HRH1: variants seen among roughly 807,000 people sequenced by gnomAD.
HRH1 encodes histamine receptor H1.
A neutral mutation model predicts 10.3 loss-of-function variants in HRH1; 6 were observed. The observed-to-expected ratio is 0.58, with a 90% CI of 0.32 to 1.15. The LOEUF is 1.15. Among genes scored for constraint, HRH1 ranks in the 50% most tolerant of loss-of-function variants. The pLI is 0.05. For missense variants in HRH1, 514 were observed against 615.3 expected, an observed-to-expected ratio of 0.84 and a Z score of 1.74; for synonymous variants, 242 against 236.7, an observed-to-expected ratio of 1.02 and a Z score of -0.21.
intron 1 of HRH1, among the ~76,000 whole-genome samples, chr3:11,141,932 C>T (rs1936299498): frequency 6.6e-6 from 1 of 152,198 alleles, no homozygotes; most frequent in Non-Finnish European, 1.5e-5. Flanking sequence ...CTCCTGTTCC[C>T]AGCTCTTAAC....
intron 1 of HRH1, among the ~76,000 whole-genome samples, chr3:11,137,739 C>T (rs1359094883): frequency 6.6e-6 from 1 of 152,004 alleles, no homozygotes; most frequent in Non-Finnish European, 1.5e-5. Flanking sequence ...CGGAACGGAC[C>T]CTGTTATCTT....
intron 1 of HRH1, among the ~76,000 whole-genome samples, chr3:11,183,391 G>A (rs969020116): frequency 1.3e-5 from 2 of 152,210 alleles, no homozygotes; most frequent in African/African-American, 4.8e-5. Flanking sequence ...AATGTCTAGA[G>A]GCATTTTTGG....
At chr3:11,199,875 T>C (rs1449872855) in intron 1 of HRH1, among the ~76,000 whole-genome samples, 1 of 152,200 alleles carries the variant, frequency 6.6e-6, no homozygotes, top group East Asian at 1.9e-4. Flanking sequence ...CCCTGCCTCC[T>C]GGTTAATAGA....
In HRH1 at chr3:11,259,845, G is replaced by A. The variant is rs777265672; in HGVS notation, c.808G>A (p.Gly270Arg). ...AAGGAAGCCAAAAGATGCTGGTGGT[G>A]GATCTGTCTTGAAGTCACCATCCCA... ...LKRKPKDAGG[G>R]SVLKSPSQTP... is the part of the protein sequence containing the mutation. The change falls in exon 2 of 2, where the codon GGA (glycine) becomes AGA (arginine). Residue 270 changes from glycine to arginine, a missense_variant. Gly to Arg is a moderately radical substitution (Grantham distance 125). Coordinates refer to ENST00000431010, the MANE Select transcript of HRH1 (RefSeq NM_001098212.2). This position sits in a 1 kb window ranked among gnomAD's most constrained non-coding sequence, Gnocchi z 4.6. 6.2e-7 allele frequency: 1 copy of A among 1,614,014 alleles called. No homozygotes were observed. Among genetic ancestry groups the A allele is most frequent in the East Asian group, 2.2e-5 (1 of 44,878 alleles).
At chr3:11,190,009 G>GAATGCTATGCCTCTGAA (rs1353598036) in intron 1 of HRH1, among the ~76,000 whole-genome samples, 1 of 152,066 alleles carries the variant, frequency 6.6e-6, no homozygotes, top group Non-Finnish European at 1.5e-5. Flanking sequence ...AAATGTGGAG[G>GAATGCTATGCCTCTGAA]AGAGGAATGC....
At chr3:11,216,092 C>T (rs1450563470) in intron 1 of HRH1, among the ~76,000 whole-genome samples, 2 of 151,936 alleles carry the variant, frequency 1.3e-5, no homozygotes, top group Admixed American at 1.3e-4. Context: ...CTTTTGGATC[C>T]CAATATGGTT....
At chr3:11,255,355 G>A (rs1304309748) in intron 1 of HRH1, among the ~76,000 whole-genome samples, 1 of 152,190 alleles carries the variant, frequency 6.6e-6, no homozygotes, top group Non-Finnish European at 1.5e-5. Flanking sequence ...CACCTCTGGA[G>A]GCCAGGGAGC....
intron 1 of HRH1, among the ~76,000 whole-genome samples, chr3:11,247,508 A>G (rs536767701): frequency 1.0e-3 from 157 of 152,284 alleles, no homozygotes; most frequent in Non-Finnish European, 1.9e-3. Flanking sequence ...AAAATTGAAT[A>G]GGGTCTATTA....
intron 1 of HRH1, among the ~76,000 whole-genome samples, chr3:11,157,507 A>C (rs534254923): frequency 6.6e-6 from 1 of 152,290 alleles, no homozygotes; most frequent in South Asian, 2.1e-4. Context: ...ATGTAATTAT[A>C]ATAAAGCTCC....
chr3:11,197,834 T>G (rs1347543638), intron 1 of HRH1, among the ~76,000 whole-genome samples: 1 of 152,192 alleles, frequency 6.6e-6, no homozygotes, highest in African/African-American at 2.4e-5. Context: ...CCCTCCAGCA[T>G]TAACTCTTGG....
At position 11,261,003 on chromosome 3, in the gene HRH1, C is replaced by T. The variant is rs1939940510; in HGVS notation, c.*502C>T. ...TTATCCATGCCAATAGTTGCTGTCC[C>T]CTTCCAGGGGTCACCTTGAGAGGCA... On this transcript the variant is annotated 3_prime_UTR_variant, in exon 2 of 2. Transcript: ENST00000431010. The T allele has an allele frequency of 5.9e-6, 1 of 168,480 alleles. No homozygotes were observed. Among genetic ancestry groups the T allele is most frequent in the Admixed American group, 6.4e-5 (1 of 15,520 alleles). The allele number at this position is 168,480 out of a possible 1,614,324, so 10.4% of individuals were successfully genotyped here.
chr3:11,247,607 C>A (rs113166972), intron 1 of HRH1, among the ~76,000 whole-genome samples: 3,887 of 152,070 alleles, frequency 0.026, 163 homozygotes, highest in African/African-American at 0.086. Flanking sequence ...GGTTGTTTAC[C>A]GAACAGGTAG....
chr3:11,240,590 C>T (rs1939306590), intron 1 of HRH1, among the ~76,000 whole-genome samples: 1 of 152,048 alleles, frequency 6.6e-6, no homozygotes, highest in Non-Finnish European at 1.5e-5. Context: ...GGGGCCACTA[C>T]CTGCCCGCAA....
intron 1 of HRH1, among the ~76,000 whole-genome samples, chr3:11,223,570 G>C (rs1189948396): frequency 6.6e-6 from 1 of 152,196 alleles, no homozygotes; most frequent in Non-Finnish European, 1.5e-5. Flanking sequence ...CCTCCAGCTT[G>C]ACTGTTCTCT....
intron 1 of HRH1, among the ~76,000 whole-genome samples, chr3:11,160,376 C>G (rs1322269646): frequency 6.6e-6 from 1 of 152,200 alleles, no homozygotes; most frequent in Non-Finnish European, 1.5e-5. Context: ...TCTTAACTCC[C>G]TTAACAATGC....
rs144554694 is a variant in HRH1 at position 11,180,000 on chromosome 3, C to G, written c.-36+25446C>G. On this transcript the variant is annotated intron_variant, in intron 1 of 1. Coordinates refer to ENST00000431010, the MANE Select transcript of HRH1 (RefSeq NM_001098212.2). ...CTGGTCTCAAACTCCTGGGCTCAAG[C>G]AATCCTCCTGCCTTGGCCTCCCAAA... 5.6e-3 allele frequency among the ~76,000 whole-genome samples: 845 copies of G among 152,206 alleles called. 7 individuals are homozygous for G. Among genetic ancestry groups the G allele is most frequent in the African/African-American group, 0.019 (798 of 41,532 alleles).
intron 1 of HRH1, among the ~76,000 whole-genome samples, chr3:11,155,166 G>A (rs992345156): frequency 3.3e-5 from 5 of 152,134 alleles, no homozygotes; most frequent in African/African-American, 4.8e-5. Context: ...TGGAGTCGGG[G>A]GTGGGAACTG....
At chr3:11,230,771 G>A (rs894043832) in intron 1 of HRH1, among the ~76,000 whole-genome samples, 2 of 152,180 alleles carry the variant, frequency 1.3e-5, no homozygotes, top group South Asian at 2.1e-4. Flanking sequence ...GAATCTGGGA[G>A]TGCGGCCAAG....
In HRH1 at chr3:11,138,984, T is replaced by G. The variant is rs1464299915; in HGVS notation, c.-36+1585T>G. Among the ~76,000 whole-genome samples, 4 of 130,392 alleles carry G rather than the reference T, an allele frequency of 3.1e-5. No homozygotes were observed. The South Asian group carries it at 9.0e-4, about 29-fold the overall frequency. 85.5% of individuals were successfully genotyped at this position (130,392 alleles called of 152,430 possible). A position where few individuals can be genotyped will look rare whatever the true frequency, so the allele number is the denominator to read the frequency against. The stretch of plus-strand genomic sequence containing the variant: ...GCCACTGTGCCTGGCCATAGCTGCA[T>G]TGTTCTTTTTTTTTTTTTTTTAGAA... On this transcript the variant is annotated intron_variant, in intron 1 of 1. Transcript: ENST00000438284.
Sources: allele counts gnomAD v4.1 joint callset (sites outside exome capture counted in the v4.1 genomes callset), GRCh38; gene constraint gnomAD v4.1.1; non-coding constraint Gnocchi (gnomAD v3.1); transcripts MANE v1.5; gene names NCBI Gene and HGNC (gene_info 2026-07-23, HGNC 2026-07-21).